PTGER3: variants seen among roughly 807,000 people sequenced by gnomAD.
The protein encoded by PTGER3 is prostaglandin E receptor 3, also known as prostaglandin E2 receptor EP3 subtype.
Under a neutral mutation model 34.7 loss-of-function variants are expected in PTGER3, and 22 were observed. The ratio of observed to expected loss-of-function variants is 0.63; its 90% confidence interval spans 0.45 to 0.91. PTGER3 has a LOEUF of 0.91. Among genes scored for constraint, PTGER3 ranks in the 40% least tolerant of loss-of-function variants. The pLI is 0.00. For synonymous variants in PTGER3, 241 were observed against 230.1 expected (o/e 1.05, Z -0.43); for missense variants, 468 against 519.4 (o/e 0.90, Z 0.96).
intron 1 of PTGER3, among the ~76,000 whole-genome samples, chr1:71,041,044 T>C (rs935843435): frequency 5.3e-5 from 8 of 152,222 alleles, no homozygotes; most frequent in Admixed American, 2.6e-4. Flanking sequence ...CTCAGTCATA[T>C]GCTGCCCAAC....
chr1:70,927,599 A>C (rs1345290369), intron 4 of PTGER3, among the ~76,000 whole-genome samples: 3 of 152,172 alleles, frequency 2.0e-5, no homozygotes, highest in Non-Finnish European at 4.4e-5. Context: ...GGCTCTGGAA[A>C]TATAGATCTA....
intron 4 of PTGER3, among the ~76,000 whole-genome samples, chr1:70,919,885 C>A (rs1647358430): frequency 6.6e-6 from 1 of 152,072 alleles, no homozygotes; most frequent in Non-Finnish European, 1.5e-5. Context: ...TTGAGGTGAG[C>A]ACCCAGTTAT....
chr1:71,010,372 G>C, intron 2 of PTGER3: 1 of 984,738 alleles, frequency 1.0e-6, no homozygotes, highest in Non-Finnish European at 1.2e-6. Context: ...CAATCATATG[G>C]TATGTGCCTT....
chr1:70,896,009 T>A (rs1646716047), intron 4 of PTGER3, among the ~76,000 whole-genome samples: 1 of 152,226 alleles, frequency 6.6e-6, no homozygotes, highest in African/African-American at 2.4e-5. Flanking sequence ...TTCCAGCTAC[T>A]CTTTCTGGGA....
chr1:70,916,485 G>A (rs111331881), intron 4 of PTGER3, among the ~76,000 whole-genome samples: 1,567 of 152,176 alleles, frequency 0.01, 36 homozygotes, highest in African/African-American at 0.036. Flanking sequence ...CAACCTAGGT[G>A]CCCATCAGTG....
intron 4 of PTGER3, among the ~76,000 whole-genome samples, chr1:70,896,500 T>C (rs1268668388): frequency 6.6e-6 from 1 of 152,220 alleles, no homozygotes; most frequent in Non-Finnish European, 1.5e-5. Context: ...CCAGCCATGC[T>C]GACTCCTTGA....
At chr1:71,013,078 A>G (rs1657590313) in intron 1 of PTGER3, among the ~76,000 whole-genome samples, 1 of 152,130 alleles carries the variant, frequency 6.6e-6, no homozygotes, top group African/African-American at 2.4e-5. Context: ...CTAATACCAT[A>G]TGATGTACAA....
At chr1:71,009,485 T>C (rs1657252878) in intron 2 of PTGER3, 3 of 982,738 alleles carry the variant, frequency 3.1e-6, no homozygotes, top group Non-Finnish European at 3.6e-6. Context: ...CAAGATATTT[T>C]TAAGACATTC....
chr1:70,980,330 A>G (rs1468912017), intron 2 of PTGER3, among the ~76,000 whole-genome samples: 3 of 152,116 alleles, frequency 2.0e-5, no homozygotes, highest in African/African-American at 4.8e-5. Flanking sequence ...AACTCTAGAA[A>G]TATTGCCCAG....
At position 70,925,398 on chromosome 1, in the gene PTGER3, C is replaced by T. The variant is rs565543880; in HGVS notation, c.*23+28365G>A. 2.0e-5 allele frequency among the ~76,000 whole-genome samples: 3 copies of T among 152,260 alleles called. No individual in the cohort carries two copies. In the South Asian group the frequency reaches 6.2e-4, roughly 32 times the overall value. ...TCTTATACTTTGAACATTTGTCTAT[C>T]CTGTAATACAATAAATGCACTGCTG... On this transcript the variant is annotated intron_variant, in intron 4 of 4. Coordinates refer to the PTGER3 transcript ENST00000370931.
chr1:70,984,312 G>C (rs1654692552), intron 2 of PTGER3, among the ~76,000 whole-genome samples: 1 of 151,218 alleles, frequency 6.6e-6, no homozygotes, highest in South Asian at 2.1e-4. Flanking sequence ...GCTTGAACCA[G>C]AGAGATGGAG....
rs531109984 is a variant in PTGER3 at position 70,857,015 on chromosome 1, A to G, written c.*24-4156T>C. The stretch of plus-strand genomic sequence containing the variant: ...CTGTACCTATCTTCCCAACCCATTT[A>G]TAATATAGTTCTCTTAAATGTTTTT... On this transcript the variant is annotated intron_variant, in intron 4 of 4. Transcript: ENST00000370931. Among the ~76,000 whole-genome samples the G allele has an allele frequency of 3.5e-4, 53 of 152,354 alleles. 1 individual carries two copies. The highest frequency in any genetic ancestry group is 6.8e-3 in the Middle Eastern group (2 of 294).
downstream of PTGER3, among the ~76,000 whole-genome samples, chr1:70,967,013 G>A (rs13375615): frequency 0.015 from 2,338 of 152,050 alleles, 65 homozygotes; most frequent in African/African-American, 0.053. Flanking sequence ...AGATCCTTGA[G>A]GAATCTCTAT....
chr1:70,953,769 TC>T lies in PTGER3; in HGVS notation c.1097del (p.Arg366LysfsTer4). 1 of 1,474,170 alleles carries T rather than the reference TC, an allele frequency of 6.8e-7. No homozygotes were observed. Among genetic ancestry groups the T allele is most frequent in the Non-Finnish European group, 9.1e-7 (1 of 1,102,002 alleles). The allele number at this position is 1,474,170 out of a possible 1,614,324, so 91.3% of individuals were successfully genotyped here. On this transcript the variant is annotated frameshift_variant, in exon 3 of 4. Coordinates refer to the PTGER3 transcript ENST00000356595. LOFTEE classifies it low-confidence loss of function (END_TRUNC). Reference sequence around the variant, plus strand: ...TACTATCTTTGCAACTTACTTGCTCTCTGAGTCTTCTTTTTCTCATCTGAAA... The same window carrying T: ...TACTATCTTTGCAACTTACTTGCTCTTGAGTCTTCTTTTTCTCATCTGAAA...
At chr1:70,974,639 T>G (rs1032750458) in intron 2 of PTGER3, among the ~76,000 whole-genome samples, 8 of 152,102 alleles carry the variant, frequency 5.3e-5, no homozygotes, top group Non-Finnish European at 7.4e-5. Flanking sequence ...TCACAGCACT[T>G]GTTAAAGGCT....
chr1:71,047,702 G>C lies in PTGER3; in HGVS notation c.-125C>G. The stretch of plus-strand genomic sequence containing the variant: ...GGGGCTGGGCTGCCCCCCATGGTGC[G>C]GGGCGCAGCCGCCGCCCTACTCCGC... On this transcript the variant is annotated 5_prime_UTR_variant, in exon 1 of 4. Transcript: ENST00000306666. The C allele has an allele frequency of 3.5e-6, 4 of 1,145,830 alleles. No homozygotes were observed. The highest frequency in any genetic ancestry group is 2.0e-5 in the South Asian group (1 of 49,392). The allele number at this position is 1,145,830 out of a possible 1,614,324, so 71.0% of individuals were successfully genotyped here.
chr1:71,044,975 C>T (rs1454205638), intron 1 of PTGER3, among the ~76,000 whole-genome samples: 3 of 152,184 alleles, frequency 2.0e-5, no homozygotes, highest in Non-Finnish European at 4.4e-5. Context: ...ACTCTTTCTT[C>T]CTTCCTAGTT....
chr1:71,008,912 CT>C lies in PTGER3; in HGVS notation c.1077+3392del, dbSNP rs1279181856. On this transcript the variant is annotated intron_variant, in intron 2 of 3. Transcript: ENST00000306666. ...CCTGTGTCATTCAGCTCCTAGAATCCTGTGTATTGCAGGAGAAGCTTTTGGG... is the reference window on the plus strand; with the variant it reads ...CCTGTGTCATTCAGCTCCTAGAATCCGTGTATTGCAGGAGAAGCTTTTGGG... 21 of 978,436 alleles carry C rather than the reference CT, an allele frequency of 2.1e-5. No individual in the cohort carries two copies. In the Middle Eastern group the frequency reaches 2.1e-3, roughly 98 times the overall value. 60.6% of individuals were successfully genotyped at this position (978,436 alleles called of 1,614,324 possible). A position where few individuals can be genotyped will look rare whatever the true frequency, so the allele number is the denominator to read the frequency against.
At position 71,012,494 on chromosome 1, in the gene PTGER3, G is replaced by T. The variant is rs370947661; in HGVS notation, c.898-10C>A. On this transcript the variant is annotated splice_polypyrimidine_tract_variant and intron_variant, in intron 1 of 3. Transcript: ENST00000306666. ...TTTTCAACATCATTATCTAAGAAAA[G>T]GGGACAAATAATTGTTTCAAAGATT... 1.8e-5 allele frequency: 29 copies of T among 1,605,642 alleles called. No individual in the cohort carries two copies. Among genetic ancestry groups the T allele is most frequent in the Non-Finnish European group, 2.5e-5 (29 of 1,175,250 alleles).
Sources: allele counts gnomAD v4.1 joint callset (sites outside exome capture counted in the v4.1 genomes callset), GRCh38; gene constraint gnomAD v4.1.1; transcripts MANE v1.5; gene names NCBI Gene and HGNC (gene_info 2026-07-23, HGNC 2026-07-21).